The following EIF3G variants were observed in gnomAD, a reference collection of about 807,000 sequenced individuals.
The protein encoded by EIF3G is eukaryotic translation initiation factor 3 RNA-binding subunit.
EIF3G carries 10 observed loss-of-function variants against 41.7 expected under a neutral mutation model. The ratio of observed to expected loss-of-function variants is 0.24; its 90% CI spans 0.15 to 0.41. The LOEUF (loss-of-function observed/expected upper bound fraction) is 0.41. Among genes scored for constraint, EIF3G ranks in the 10% least tolerant of loss-of-function variants. EIF3G has a pLI of 1.00. For missense variants in EIF3G, 297 were observed against 444.0 expected (o/e 0.67, Z 2.98); for synonymous variants, 204 against 172.5 (o/e 1.18, Z -1.43).
chr19:10,115,048 C>G lies in EIF3G; in HGVS notation c.*66G>C. 1 of 1,607,200 alleles carries G rather than the reference C, an allele frequency of 6.2e-7. No individual in the cohort carries two copies. The highest frequency in any genetic ancestry group is 8.5e-7 in the Non-Finnish European group (1 of 1,175,990). On this transcript the variant is annotated 3_prime_UTR_variant, in exon 11 of 11. Transcript: ENST00000253108. ...TGGAGCTGCTTTATTGCCCTTGGAG[C>G]CCGCGCTCTCGGAGGCTGTCTTCTG...
In EIF3G at chr19:10,116,272, G is replaced by T; in HGVS notation, c.596-198C>A. 1 of 612,336 alleles carries T rather than the reference G, an allele frequency of 1.6e-6. No homozygotes were observed. Among genetic ancestry groups the T allele is most frequent in the Non-Finnish European group, 2.9e-6 (1 of 348,108 alleles). The allele number at this position is 612,336 out of a possible 1,614,324, so 37.9% of individuals were successfully genotyped here. On this transcript the variant is annotated intron_variant, in intron 7 of 10. Transcript: ENST00000253108. The surrounding 1 kb of genome is among the most constrained non-coding windows in gnomAD (Gnocchi z 4.1). ...TTTGAGCTCCCAGCCAGCGACACTG[G>T]TGGAGGAGGAGGAGGAGGAGCCCCG... is the stretch of plus-strand genomic sequence containing the variant.
intron 3 of EIF3G, 23 bp from the exon 4 acceptor site, chr19:10,118,979 G>T: frequency 6.2e-7 from 1 of 1,614,004 alleles, no homozygotes; most frequent in Non-Finnish European, 8.5e-7. Flanking sequence ...GAAAAACAGA[G>T]AAAGACTGAG....
chr19:10,116,017 A>T lies in EIF3G; in HGVS notation c.653T>A (p.Leu218Gln). 2 of 1,613,800 alleles carry T rather than the reference A, an allele frequency of 1.2e-6. No individual in the cohort carries two copies. The highest frequency in any genetic ancestry group is 1.7e-6 in the Non-Finnish European group (2 of 1,179,892). ...CCCGCGGCGGCTGGCCCCGTCGCGC[A>T]GGCTCGGCGGCACATACTTCCCTGT... Reference protein sequence around the residue: ...NKTGKYVPPSLRDGASRRGES... With the variant: ...NKTGKYVPPSQRDGASRRGES... Residue 218 changes from leucine to glutamine, a missense_variant, in exon 8 of 11, where the codon CTG (leucine) becomes CAG (glutamine). Around this residue, in one of 4 missense-constraint regions of EIF3G, gnomAD observed 91 missense variants for 170.5 expected, o/e 0.53. Transcript: ENST00000253108. This position sits in a 1 kb window ranked among gnomAD's most constrained non-coding sequence, Gnocchi z 4.1.
chr19:10,115,378 G>A (rs1404792241), intron 10 of EIF3G, 101 bp downstream of exon 10: 21 of 1,359,122 alleles, frequency 1.5e-5, no homozygotes, highest in Non-Finnish European at 6.1e-6. Flanking sequence ...AACCAGCCGG[G>A]GGACTGTTAA....
Position 10,116,455 on chromosome 19 carries a change from C to T in EIF3G, c.595+345G>A. 2.1e-6 allele frequency: 1 copy of T among 478,838 alleles called. No individual in the cohort carries two copies. The highest frequency in any genetic ancestry group is 2.7e-5 in the South Asian group (1 of 37,260). 29.7% of individuals were successfully genotyped at this position (478,838 alleles called of 1,614,324 possible). A position where few individuals can be genotyped will look rare whatever the true frequency, so the allele number is the denominator to read the frequency against. On this transcript the variant is annotated intron_variant, in intron 7 of 10. Coordinates refer to ENST00000253108, the MANE Select transcript of EIF3G (RefSeq NM_003755.5). The surrounding 1 kb of genome is among the most constrained non-coding windows in gnomAD (Gnocchi z 4.1). Reference sequence around the variant, plus strand: ...ACTCTCACACTCGCCACCAGCAAATCCCACCAAAGAATTCGGACGGTACAG... The same window carrying T: ...ACTCTCACACTCGCCACCAGCAAATTCCACCAAAGAATTCGGACGGTACAG...
Position 10,119,713 on chromosome 19 carries a change from A to G in EIF3G, c.21-13T>C, listed in dbSNP as rs761438777. The G allele has an allele frequency of 1.9e-6, 3 of 1,610,292 alleles. No homozygotes were observed. Among genetic ancestry groups the G allele is most frequent in the Middle Eastern group, 1.7e-4 (1 of 6,042 alleles). Reference sequence around the variant, plus strand: ...ACTGGGCTTCGAACTGCGGAAACAAATGTGTGGGGAACGAAGATTAAGTCA... The same window carrying G: ...ACTGGGCTTCGAACTGCGGAAACAAGTGTGTGGGGAACGAAGATTAAGTCA... On this transcript the variant is annotated splice_polypyrimidine_tract_variant and intron_variant, in intron 1 of 10. Transcript: ENST00000253108.
intron 10 of EIF3G, 61 bp downstream of exon 10, chr19:10,115,418 A>G (rs2089224973): frequency 1.3e-6 from 2 of 1,536,734 alleles, no homozygotes; most frequent in Non-Finnish European, 1.8e-6. Context: ...TTGGCCCAAC[A>G]CTCCGTGAAG....
Position 10,116,225 on chromosome 19 carries a change from G to A in EIF3G, c.596-151C>T. 1 of 706,022 alleles carries A rather than the reference G, an allele frequency of 1.4e-6. No individual in the cohort carries two copies. Among genetic ancestry groups the A allele is most frequent in the Non-Finnish European group, 2.3e-6 (1 of 425,734 alleles). The allele number at this position is 706,022 out of a possible 1,614,324, so 43.7% of individuals were successfully genotyped here. A position where few individuals can be genotyped will look rare whatever the true frequency, so the allele number is the denominator to read the frequency against. ...CAGTTGGCCACGAGGACACCAAGGT[G>A]ACACCTGAGAAGCTGACACCATTTG... is the stretch of plus-strand genomic sequence containing the variant. On this transcript the variant is annotated intron_variant, in intron 7 of 10. Coordinates refer to ENST00000253108, the MANE Select transcript of EIF3G (RefSeq NM_003755.5). The surrounding 1 kb of genome is among the most constrained non-coding windows in gnomAD (Gnocchi z 4.1).
chr19:10,116,353 C>T lies in EIF3G; in HGVS notation c.596-279G>A, dbSNP rs1482203305. On this transcript the variant is annotated intron_variant, in intron 7 of 10. Coordinates refer to ENST00000253108, the MANE Select transcript of EIF3G (RefSeq NM_003755.5). The surrounding 1 kb of genome is among the most constrained non-coding windows in gnomAD (Gnocchi z 4.1). ...AGGGGCAGCAGCCTCACATGCACAG[C>T]AACGGCAGACATGGGACACACAACA... is the stretch of plus-strand genomic sequence containing the variant. The T allele has an allele frequency of 1.8e-6, 1 of 544,560 alleles. No individual in the cohort carries two copies. The highest frequency in any genetic ancestry group is 3.3e-6 in the Non-Finnish European group (1 of 303,992). The allele number at this position is 544,560 out of a possible 1,614,324, so 33.7% of individuals were successfully genotyped here.
At chr19:10,118,995 G>A in intron 3 of EIF3G, 39 bp from the exon 4 acceptor site, 1 of 1,613,732 alleles carries the variant, frequency 6.2e-7, no homozygotes, top group Non-Finnish European at 8.5e-7. Context: ...CTGAGCCCTG[G>A]GTCATGGGGA....
chr19:10,117,337 G>T, intron 5 of EIF3G, 149 bp from the exon 6 acceptor site: 1 of 618,162 alleles, frequency 1.6e-6, no homozygotes, highest in East Asian at 2.8e-5. Context: ...GAACAGTCCT[G>T]GCGACAGTTG....
intron 8 of EIF3G, 66 bp from the exon 9 acceptor site, chr19:10,115,886 C>G (rs1009104725): frequency 3.3e-5 from 52 of 1,593,066 alleles, no homozygotes; most frequent in Non-Finnish European, 4.4e-5. Context: ...TGCTGCCCAG[C>G]CCTCGTGTGC....
Position 10,115,975 on chromosome 19 carries a change from T to C in EIF3G, c.695A>G (p.Asn232Ser). ...ASRRGESMQP[N>S]RRADDNATIR... The stretch of plus-strand genomic sequence containing the variant: ...GTCGGGGTGCCCCTCACCTCTGCGG[T>C]TGGGCTGCATGGACTCCCCGCGGCG... The change falls in exon 8 of 11, where the codon AAC becomes AGC. Residue 232 changes from asparagine (N) to serine (S), a missense_variant. This residue lies in a region of EIF3G where 91 missense variants were observed against 170.5 expected (regional missense o/e 0.53). Coordinates refer to ENST00000253108, the MANE Select transcript of EIF3G (RefSeq NM_003755.5). 2 of 1,613,326 alleles carry C rather than the reference T, an allele frequency of 1.2e-6. No homozygotes were observed. Among genetic ancestry groups the C allele is most frequent in the Non-Finnish European group, 1.7e-6 (2 of 1,179,724 alleles).
At position 10,115,889 on chromosome 19, in the gene EIF3G, T is replaced by C. The variant is rs947940226; in HGVS notation, c.704-69A>G. 2.1e-5 allele frequency: 34 copies of C among 1,597,074 alleles called. 1 individual carries two copies. Among genetic ancestry groups the C allele is most frequent in the Middle Eastern group, 3.5e-4 (2 of 5,708 alleles). On this transcript the variant is annotated intron_variant, in intron 8 of 10. Transcript: ENST00000253108. ...CCAGCCCTCGTGTGCTGCCCAGCCC[T>C]CGTGTGCACGCTTCGGGGATAATTA...
chr19:10,115,819 G>C lies in EIF3G; in HGVS notation c.705C>G (p.Ala235=). 1 of 1,612,186 alleles carries C rather than the reference G, an allele frequency of 6.2e-7. No individual in the cohort carries two copies. Among genetic ancestry groups the C allele is most frequent in the Non-Finnish European group, 8.5e-7 (1 of 1,179,840 alleles). The change falls in exon 9 of 11, where the codon GCC becomes GCG. Residue 235 remains alanine, a splice_region_variant and synonymous_variant. Coordinates refer to ENST00000253108, the MANE Select transcript of EIF3G (RefSeq NM_003755.5). ...TGACACGGATGGTGGCGTTGTCGTC[G>C]GCTGTGTGGGAGAGGGGAGGTGGCT... ...RGESMQPNRR[A]DDNATIRVTN...
intron 5 of EIF3G, 59 bp from the exon 6 acceptor site, chr19:10,117,247 G>C: frequency 7.3e-7 from 1 of 1,367,324 alleles, no homozygotes; most frequent in Non-Finnish European, 1.0e-6. Flanking sequence ...GTTCCACAGT[G>C]GGGTGCCCTA....
chr19:10,115,904 G>A lies in EIF3G; in HGVS notation c.703+63C>T, dbSNP rs368114638. The A allele has an allele frequency of 7.0e-5, 112 of 1,605,210 alleles. No homozygotes were observed. The East Asian group carries it at 1.3e-3, about 18-fold the overall frequency. Reference sequence around the variant, plus strand: ...TGCCCAGCCCTCGTGTGCACGCTTCGGGGATAATTACGAGGTGCCGGGAGG... The same window carrying A: ...TGCCCAGCCCTCGTGTGCACGCTTCAGGGATAATTACGAGGTGCCGGGAGG... On this transcript the variant is annotated intron_variant, in intron 8 of 10. Transcript: ENST00000253108.
chr19:10,115,103 T>G lies in EIF3G; in HGVS notation c.*11A>C, dbSNP rs2089216821. ...CAAGGGTCCCGGACCGAGTACACAG[T>G]GGCAGCTGGCTTAGTTGGTGGACGG... On this transcript the variant is annotated 3_prime_UTR_variant, in exon 11 of 11. Coordinates refer to ENST00000253108, the MANE Select transcript of EIF3G (RefSeq NM_003755.5). The G allele has an allele frequency of 2.5e-6, 4 of 1,613,650 alleles. No homozygotes were observed. The highest frequency in any genetic ancestry group is 1.3e-5 in the African/African-American group (1 of 74,848).
chr19:10,117,280 AGTG>A (rs2089268014), intron 5 of EIF3G, 92 bp from the exon 6 acceptor site: 6 of 895,648 alleles, frequency 6.7e-6, no homozygotes, highest in Middle Eastern at 6.5e-4. Flanking sequence ...CCACCCCCAG[AGTG>A]TCTGGGCCTC....
Sources: allele counts gnomAD v4.1 joint callset, GRCh38; gene constraint gnomAD v4.1.1; regional missense constraint gnomAD v4.1.1; non-coding constraint Gnocchi (gnomAD v3.1); transcripts MANE v1.5; gene names NCBI Gene and HGNC (gene_info 2026-07-23, HGNC 2026-07-21).